Variants in ERCC6 observed in about 807,000 individuals in gnomAD.
The protein encoded by ERCC6 is DNA excision repair protein ERCC-6.
ERCC6 carries 116 observed loss-of-function variants against 158.7 expected under a neutral mutation model. The observed-to-expected ratio is 0.73, with a 90% CI of 0.63 to 0.85. The LOEUF (loss-of-function observed/expected upper bound fraction) is 0.85. Ranked by LOEUF, ERCC6 falls within the 40% of genes least tolerant of loss-of-function variation. ERCC6 has a pLI of 0.00. For missense variants in ERCC6, 1,698 were observed against 1,799.4 expected, an observed-to-expected ratio of 0.94 and a Z score of 1.02; for synonymous variants, 678 against 659.3, an observed-to-expected ratio of 1.03 and a Z score of -0.43.
At chr10:49,449,232 G>C (rs981687156), downstream of ERCC6, among the ~76,000 whole-genome samples, 1 of 152,168 alleles carries the variant, frequency 6.6e-6, no homozygotes, top group African/African-American at 2.4e-5. Flanking sequence ...GACTAATGAT[G>C]TCAAGCATCT....
chr10:49,539,248 G>A (rs55775940), upstream of ERCC6, among the ~76,000 whole-genome samples: 2 of 152,286 alleles, frequency 1.3e-5, no homozygotes. Context: ...CTGCCGGTCA[G>A]CTGGGTGGCT....
At position 49,483,361 on chromosome 10, in the gene ERCC6, G is replaced by T; in HGVS notation, c.1977C>A (p.Thr659=). ...GAGGTCATACCTGTTTGCAAGCAAGGGTGACAGCAGCATTTGGATTTCGAA... is the reference window on the plus strand; with the variant it reads ...GAGGTCATACCTGTTTGCAAGCAAGTGTGACAGCAGCATTTGGATTTCGAA... The part of the protein sequence containing the change: ...HKIRNPNAAV[T]LACKQFRTPH... The change falls in exon 9 of 21, where the codon ACC becomes ACA. Residue 659 remains threonine (T), a synonymous_variant. Coordinates refer to ENST00000355832, the MANE Select transcript of ERCC6 (RefSeq NM_000124.4). 1 of 1,614,124 alleles carries T rather than the reference G, an allele frequency of 6.2e-7. No individual in the cohort carries two copies. Among genetic ancestry groups the T allele is most frequent in the Non-Finnish European group, 8.5e-7 (1 of 1,180,004 alleles).
At position 49,506,000 on chromosome 10, in the gene ERCC6, T is replaced by C; in HGVS notation, c.1410A>G (p.Lys470=). Residue 470 remains lysine, a synonymous_variant, in exon 6 of 21, where the codon AAA becomes AAG. Transcript: ENST00000355832. ...YYKQRLRRWN[K]LRLQDKEKRL... ...GTTTCTCTTTGTCCTGCAGTCTCAG[T>C]TTATTCCATCTCCTACCATGAAAAT... 1.9e-6 allele frequency: 3 copies of C among 1,613,296 alleles called. No homozygotes were observed. Among genetic ancestry groups the C allele is most frequent in the Non-Finnish European group, 2.5e-6 (3 of 1,179,488 alleles).
rs1419773221 is a variant in ERCC6 at position 49,455,225 on chromosome 10, A to C, written c.*3590T>G. ...TTATGAAATGTGCAAGACATTTATG[A>C]AGAAAGTTATTAAAATTTCATCCAA... On this transcript the variant is annotated 3_prime_UTR_variant, in exon 21 of 21. Coordinates refer to ENST00000355832, the MANE Select transcript of ERCC6 (RefSeq NM_000124.4). The C allele has an allele frequency of 1.3e-5, 2 of 152,188 alleles. No homozygotes were observed. Among genetic ancestry groups the C allele is most frequent in the Non-Finnish European group, 2.9e-5 (2 of 68,034 alleles). The allele number at this position is 152,188 out of a possible 1,614,324, so 9.4% of individuals were successfully genotyped here.
chr10:49,500,702 A>G lies in ERCC6; in HGVS notation c.1527-6T>C. On this transcript the variant is annotated splice_region_variant and splice_polypyrimidine_tract_variant and intron_variant, in intron 6 of 20. Coordinates refer to ENST00000355832, the MANE Select transcript of ERCC6 (RefSeq NM_000124.4). ...TAACACCTGTCTGCTGGTACCTATGACAACAAACACCAACAAGAAAAGAGA... is the reference window on the plus strand; with the variant it reads ...TAACACCTGTCTGCTGGTACCTATGGCAACAAACACCAACAAGAAAAGAGA... 1 of 1,613,504 alleles carries G rather than the reference A, an allele frequency of 6.2e-7. No homozygotes were observed. The highest frequency in any genetic ancestry group is 1.1e-5 in the South Asian group (1 of 91,074).
chr10:49,491,904 G>T (rs1851179736), intron 8 of ERCC6, among the ~76,000 whole-genome samples: 2 of 152,186 alleles, frequency 1.3e-5, no homozygotes, highest in African/African-American at 2.4e-5. Context: ...GTAGTGACAG[G>T]ATAGTTTAAG....
chr10:49,521,981 C>A (rs556042498), intron 5 of ERCC6, among the ~76,000 whole-genome samples: 3 of 152,272 alleles, frequency 2.0e-5, no homozygotes, highest in African/African-American at 7.2e-5. Context: ...AGAAGTCACC[C>A]ACTCTCACTT....
At position 49,470,802 on chromosome 10, in the gene ERCC6, C is replaced by T. The variant is rs1240149298; in HGVS notation, c.3158G>A (p.Arg1053His). The change falls in exon 18 of 21, where the codon CGC becomes CAC. Residue 1053 changes from arginine (R) to histidine (H), a missense_variant. Arg to His is a conservative substitution (Grantham distance 29). Coordinates refer to ENST00000355832, the MANE Select transcript of ERCC6 (RefSeq NM_000124.4). ...AFGADHDVPK[R>H]KKFPASNISV... ...TATGTTAGAAGCAGGGAACTTCTTG[C>T]GTTTTGGAACATCATGGTCTGCTCC... 1.1e-5 allele frequency: 18 copies of T among 1,614,038 alleles called. No individual in the cohort carries two copies. Among genetic ancestry groups the T allele is most frequent in the African/African-American group, 6.7e-5 (5 of 74,928 alleles).
chr10:49,482,493 T>C (rs1329622841), intron 10 of ERCC6, among the ~76,000 whole-genome samples, 194 bp downstream of exon 10: 1 of 152,024 alleles, frequency 6.6e-6, no homozygotes, highest in African/African-American at 2.4e-5. Flanking sequence ...ATAGTTTTCA[T>C]GATGTTTTAA....
intron 2 of ERCC6, 102 bp from the exon 3 acceptor site, chr10:49,530,942 A>C (rs915742883): frequency 6.7e-6 from 10 of 1,497,064 alleles, no homozygotes; most frequent in African/African-American, 1.4e-5. Context: ...ACTTCTTATT[A>C]ACTAAAAGAT....
Position 49,536,502 on chromosome 10 carries a change from A to G in ERCC6, c.-15+2460T>C, listed in dbSNP as rs1837602167. 1.3e-5 allele frequency among the ~76,000 whole-genome samples: 2 copies of G among 152,220 alleles called. 1 individual carries two copies. Among genetic ancestry groups the G allele is most frequent in the South Asian group, 4.1e-4 (2 of 4,836 alleles). ...AGATCTAAATTTGCAGGTGGAAAGG[A>G]GGGAAGCTGAAGTGGATTACAGACA... On this transcript the variant is annotated intron_variant, in intron 1 of 20. Transcript: ENST00000355832.
intron 5 of ERCC6, among the ~76,000 whole-genome samples, chr10:49,523,114 G>A (rs536068550): frequency 6.6e-6 from 1 of 152,288 alleles, no homozygotes; most frequent in South Asian, 2.1e-4. Context: ...TCTTCACCTT[G>A]AGAAATAAGA....
intron 18 of ERCC6, among the ~76,000 whole-genome samples, chr10:49,467,049 G>T (rs1199699668): frequency 6.6e-6 from 1 of 152,156 alleles, no homozygotes; most frequent in Non-Finnish European, 1.5e-5. Context: ...CCAAAGTGCT[G>T]GGATTACAGG....
At chr10:49,488,869 C>T (rs4253151) in intron 8 of ERCC6, among the ~76,000 whole-genome samples, 2,218 of 152,090 alleles carry the variant, frequency 0.015, 47 homozygotes, top group African/African-American at 0.049. Flanking sequence ...CTGCAAGTTC[C>T]GCCTCCCAGG....
At chr10:49,447,579 T>C in the ERCC6 span, among the ~76,000 whole-genome samples, 2 of 151,776 alleles carry the variant, frequency 1.3e-5, no homozygotes, top group East Asian at 1.9e-4. Context: ...TAGTCCCAGC[T>C]ACTTGGGAGG....
chr10:49,533,286 A>G (rs1837516507), intron 1 of ERCC6, among the ~76,000 whole-genome samples: 1 of 152,236 alleles, frequency 6.6e-6, no homozygotes, highest in Non-Finnish European at 1.5e-5. Flanking sequence ...TCTTCAAAAC[A>G]GCTGAAGTCA....
At chr10:49,509,325 ATACTAT>A (rs1590445361) in intron 5 of ERCC6, among the ~76,000 whole-genome samples, 2 of 152,238 alleles carry the variant, frequency 1.3e-5, no homozygotes, top group Admixed American at 6.5e-5. Flanking sequence ...CCTGCAGCAG[ATACTAT>A]TACTATGTTC....
intron 6 of ERCC6, chr10:49,505,368 T>C (rs1851425926): frequency 1.3e-5 from 2 of 152,980 alleles, no homozygotes; most frequent in South Asian, 4.1e-4. Context: ...CTTTTGACAT[T>C]AGAATGACAT....
rs1250994088 is a variant in ERCC6 at position 49,474,046 on chromosome 10, A to T, written c.2579T>A (p.Leu860Gln). The T allele has an allele frequency of 6.2e-7, 1 of 1,614,106 alleles. No homozygotes were observed. Among genetic ancestry groups the T allele is most frequent in the Admixed American group, 1.7e-5 (1 of 60,034 alleles). ...IWHKQGQRVLLFSQSRQMLDI... is the reference protein window; with the variant it reads ...IWHKQGQRVLQFSQSRQMLDI... Reference sequence around the variant, plus strand: ...ACTCACCTGCCTTGACTGAGAAAACAGCAATACTCGCTGACCCTGCTTGTG... The same window carrying T: ...ACTCACCTGCCTTGACTGAGAAAACTGCAATACTCGCTGACCCTGCTTGTG... The change falls in exon 13 of 21, where the codon CTG (leucine) becomes CAG (glutamine). Residue 860 changes from leucine (L) to glutamine (Q), a missense_variant. Physicochemically the swap from Leu to Gln is moderately radical, Grantham distance 113. Coordinates refer to ENST00000355832, the MANE Select transcript of ERCC6 (RefSeq NM_000124.4).
Sources: gnomAD v4.1 joint callset for allele counts (sites outside exome capture counted in the v4.1 genomes callset) on GRCh38, gnomAD v4.1.1 for gene constraint, MANE v1.5 for transcripts, NCBI Gene and HGNC (gene_info 2026-07-23, HGNC 2026-07-21) for gene names.